The following SMARCA2 variants were observed in gnomAD, a reference collection of about 807,000 sequenced individuals.
SMARCA2 encodes the protein SWI/SNF related BAF chromatin remodeling complex subunit ATPase 2.
In SMARCA2, 61 loss-of-function variants were observed where a neutral mutation model predicts 199.8. The ratio of observed to expected loss-of-function variants is 0.31; its 90% CI spans 0.25 to 0.38. SMARCA2 has a LOEUF of 0.38. SMARCA2 is among the 10% of genes least tolerant of loss of function. SMARCA2 has a pLI of 1.00. For synonymous variants in SMARCA2, 935 were observed against 732.0 expected (o/e 1.28, Z -4.48); for missense variants, 1,344 against 2,012.2 (o/e 0.67, Z 6.35).
At chr9:2,076,178 A>C in intron 12 of SMARCA2, 51 bp from the exon 13 acceptor site, 1 of 989,270 alleles carries the variant, frequency 1.0e-6, no homozygotes. Context: ...TCAATCATAG[A>C]GATTTCCTTG....
chr9:2,139,025 T>C (rs1466476230), intron 27 of SMARCA2, among the ~76,000 whole-genome samples: 1 of 151,706 alleles, frequency 6.6e-6, no homozygotes, highest in African/African-American at 2.4e-5. Context: ...TTTTGGGGAC[T>C]CACCTGTAGC....
chr9:2,185,338 C>T (rs572980999), intron 31 of SMARCA2, among the ~76,000 whole-genome samples: 1 of 152,336 alleles, frequency 6.6e-6, no homozygotes, highest in Admixed American at 6.5e-5. Context: ...CCTCCAGTTA[C>T]AGGATTTCCT....
chr9:2,069,413 G>T (rs1402324372), intron 9 of SMARCA2, among the ~76,000 whole-genome samples: 1 of 151,692 alleles, frequency 6.6e-6, no homozygotes, highest in South Asian at 2.1e-4. Context: ...AAAAAAATTA[G>T]CCGGGCGTGG....
At chr9:2,030,745 A>G (rs1026696708) in intron 2 of SMARCA2, among the ~76,000 whole-genome samples, 2 of 152,152 alleles carry the variant, frequency 1.3e-5, no homozygotes, top group African/African-American at 4.8e-5. Flanking sequence ...ACATAAAATG[A>G]ACCATTACAG....
intron 19 of SMARCA2, among the ~76,000 whole-genome samples, chr9:2,095,550 T>C (rs764221895): frequency 6.6e-6 from 1 of 152,220 alleles, no homozygotes; most frequent in Non-Finnish European, 1.5e-5. Flanking sequence ...AGCATGTTTT[T>C]GGAGGGTTAC....
chr9:2,070,690 A>G (rs544956112), intron 10 of SMARCA2, among the ~76,000 whole-genome samples: 1 of 152,386 alleles, frequency 6.6e-6, no homozygotes, highest in South Asian at 2.1e-4. Flanking sequence ...CTGATATTAA[A>G]TGTCTTGCAT....
intron 27 of SMARCA2, among the ~76,000 whole-genome samples, chr9:2,145,304 C>CAA (rs56314428): frequency 1.3e-3 from 171 of 131,926 alleles, no homozygotes; most frequent in Non-Finnish European, 1.9e-3. Context: ...ACTCTTGTCT[C>CAA]AAAAAAAAAA....
chr9:2,094,793 C>T (rs757621714), intron 19 of SMARCA2, among the ~76,000 whole-genome samples: 2 of 152,146 alleles, frequency 1.3e-5, no homozygotes, highest in South Asian at 2.1e-4. Context: ...GCACTTTGCA[C>T]AGGGCTTTTT....
intron 27 of SMARCA2, among the ~76,000 whole-genome samples, chr9:2,141,824 C>T (rs1161795456): frequency 6.6e-6 from 1 of 152,214 alleles, no homozygotes; most frequent in African/African-American, 2.4e-5. Flanking sequence ...TTTTGGTTTA[C>T]AGCCCCTTTG....
chr9:2,185,149 C>G (rs1420408504), intron 31 of SMARCA2, among the ~76,000 whole-genome samples: 1 of 152,176 alleles, frequency 6.6e-6, no homozygotes, highest in Non-Finnish European at 1.5e-5. Context: ...TCTTGCGACT[C>G]TGAAACTGCG....
chr9:2,141,829 C>T (rs1425712652), intron 27 of SMARCA2, among the ~76,000 whole-genome samples: 1 of 152,124 alleles, frequency 6.6e-6, no homozygotes, highest in Non-Finnish European at 1.5e-5. Context: ...GTTTACAGCC[C>T]CTTTGCCCAC....
At chr9:2,155,370 C>A (rs1385747211) in intron 27 of SMARCA2, among the ~76,000 whole-genome samples, 1 of 152,074 alleles carries the variant, frequency 6.6e-6, no homozygotes, top group Non-Finnish European at 1.5e-5. Flanking sequence ...GCAGCCTCCG[C>A]CTCCCGGGTT....
At chr9:2,063,344 A>C (rs1342059914) in intron 9 of SMARCA2, among the ~76,000 whole-genome samples, 4 of 152,146 alleles carry the variant, frequency 2.6e-5, no homozygotes, top group African/African-American at 9.7e-5. Flanking sequence ...CTGATTTGAC[A>C]CTTTGGATTA....
At chr9:2,114,228 C>G (rs2130593951) in intron 24 of SMARCA2, among the ~76,000 whole-genome samples, 1 of 152,300 alleles carries the variant, frequency 6.6e-6, no homozygotes, top group East Asian at 1.9e-4. Context: ...CTTACATTCT[C>G]CTCTTTAGAA....
chr9:2,077,859 T>G (rs1259298105), intron 14 of SMARCA2, 83 bp downstream of exon 14: 3 of 1,287,232 alleles, frequency 2.3e-6, no homozygotes, highest in African/African-American at 2.9e-5. Context: ...ACATGTTGAC[T>G]AAGGGCTTTT....
At position 2,075,121 on chromosome 9, in the gene SMARCA2, G is replaced by C. The variant is rs1403464097; in HGVS notation, c.1936-1108G>C. Reference sequence around the variant, plus strand: ...GCCCTTGTCCCTGGGCCCATCACATGGGTCTGCTGCAGGTGAGCCTGAGTG... The same window carrying C: ...GCCCTTGTCCCTGGGCCCATCACATCGGTCTGCTGCAGGTGAGCCTGAGTG... On this transcript the variant is annotated intron_variant, in intron 12 of 33. Coordinates refer to ENST00000349721, the MANE Select transcript of SMARCA2 (RefSeq NM_003070.5). 15 of 152,374 alleles carry C rather than the reference G, an allele frequency of 9.8e-5. No individual in the cohort carries two copies. In the East Asian group the frequency reaches 2.9e-3, roughly 29 times the overall value. The allele number at this position is 152,374 out of a possible 1,614,324, so 9.4% of individuals were successfully genotyped here.
At position 2,053,825 on chromosome 9, in the gene SMARCA2, A is replaced by C. The variant is rs74572827; in HGVS notation, c.1047-772A>C. On this transcript the variant is annotated intron_variant, in intron 5 of 33. Transcript: ENST00000349721. ...GTAATAGTATCCCAAGTGAATGGCT[A>C]AAGTCAGAGGTCTTTTATTTTCTAC... Among the ~76,000 whole-genome samples, 1,447 of 152,318 alleles carry C rather than the reference A, an allele frequency of 9.5e-3. 30 individuals carry two copies. The highest frequency in any genetic ancestry group is 0.033 in the African/African-American group (1,384 of 41,556).
At chr9:2,185,030 A>G (rs1354803161) in intron 31 of SMARCA2, among the ~76,000 whole-genome samples, 2 of 152,204 alleles carry the variant, frequency 1.3e-5, no homozygotes, top group East Asian at 3.8e-4. Flanking sequence ...AATTTTTAAA[A>G]CACTGTGATT....
intron 29 of SMARCA2, among the ~76,000 whole-genome samples, chr9:2,171,305 A>G (rs1372557274): frequency 6.6e-6 from 1 of 152,220 alleles, no homozygotes; most frequent in Non-Finnish European, 1.5e-5. Flanking sequence ...AGCTGACCCA[A>G]TAACATCCTT....
Sources: gnomAD v4.1 joint callset for allele counts (sites outside exome capture counted in the v4.1 genomes callset) on GRCh38, gnomAD v4.1.1 for gene constraint, MANE v1.5 for transcripts, NCBI Gene and HGNC (gene_info 2026-07-23, HGNC 2026-07-21) for gene names.